SEMA3A: variants seen among roughly 807,000 people sequenced by gnomAD.
SEMA3A encodes the protein semaphorin-3A.
SEMA3A carries 29 observed loss-of-function variants against 97.9 expected under a neutral mutation model. The observed-to-expected ratio is 0.30, with a 90% CI of 0.22 to 0.40. The LOEUF is 0.40. Among genes scored for constraint, SEMA3A ranks in the 10% least tolerant of loss-of-function variants. SEMA3A has a pLI of 1.00. For missense variants in SEMA3A, 763 were observed against 951.3 expected (o/e 0.80, Z 2.60); for synonymous variants, 321 against 323.7 (o/e 0.99, Z 0.09).
chr7:84,099,065 C>CTT lies in SEMA3A; in HGVS notation c.453+11403_453+11404dup, dbSNP rs754026184. Among the ~76,000 whole-genome samples, 574 of 92,526 alleles carry CTT rather than the reference C, an allele frequency of 6.2e-3. 33 individuals are homozygous for CTT. Among genetic ancestry groups the CTT allele is most frequent in the African/African-American group, 9.9e-3 (267 of 27,054 alleles). The allele number at this position is 92,526 out of a possible 152,430, so 60.7% of individuals were successfully genotyped here. A position where few individuals can be genotyped will look rare whatever the true frequency, so the allele number is the denominator to read the frequency against. ...AGAGATTAATCAGGAATTACATTTT[C>CTT]TTTTTTTTTCTTTTTTTTTTTTTGA... On this transcript the variant is annotated intron_variant, in intron 4 of 16. Coordinates refer to ENST00000265362, the MANE Select transcript of SEMA3A (RefSeq NM_006080.3).
rs571128691 is a variant in SEMA3A at position 84,343,483 on chromosome 7, A to C, written c.-169+28341T>G. On this transcript the variant is annotated intron_variant, in intron 2 of 3. Coordinates refer to the SEMA3A transcript ENST00000424555. ...TATAACTGAGCTAGGCAGCTAGAAAACTTAAAGGTAATTTAATTCAGCCAG... is the reference window on the plus strand; with the variant it reads ...TATAACTGAGCTAGGCAGCTAGAAACCTTAAAGGTAATTTAATTCAGCCAG... Among the ~76,000 whole-genome samples the C allele has an allele frequency of 5.9e-5, 9 of 152,320 alleles. No homozygotes were observed. The South Asian group carries it at 1.9e-3, about 32-fold the overall frequency.
chr7:83,967,117 G>T (rs1437927285), intron 15 of SEMA3A, among the ~76,000 whole-genome samples: 1 of 152,084 alleles, frequency 6.6e-6, no homozygotes, highest in African/African-American at 2.4e-5. Context: ...TATTTAAAAT[G>T]GCCTCAGCCA....
intron 13 of SEMA3A, among the ~76,000 whole-genome samples, chr7:83,983,670 T>C (rs1168946527): frequency 6.6e-6 from 1 of 152,130 alleles, no homozygotes; most frequent in Non-Finnish European, 1.5e-5. Flanking sequence ...TACCATAATT[T>C]TGCAGTATTA....
intron 3 of SEMA3A, among the ~76,000 whole-genome samples, chr7:84,114,813 G>A (rs145575329): frequency 4.6e-5 from 7 of 151,874 alleles, no homozygotes; most frequent in African/African-American, 1.2e-4. Context: ...GCTGTAATCC[G>A]ATCATCCATA....
At chr7:84,362,950 A>T (rs1802762357) in intron 2 of SEMA3A, among the ~76,000 whole-genome samples, 1 of 151,970 alleles carries the variant, frequency 6.6e-6, no homozygotes. Flanking sequence ...TATGCTACAG[A>T]TCTAATGGAT....
intron 1 of SEMA3A, among the ~76,000 whole-genome samples, chr7:84,160,499 A>G (rs1423356985): frequency 2.0e-5 from 3 of 152,100 alleles, no homozygotes; most frequent in Admixed American, 6.6e-5. Flanking sequence ...CAGTGAGCCG[A>G]GATCGCACCA....
At chr7:84,332,230 A>C (rs1274812420) in intron 2 of SEMA3A, among the ~76,000 whole-genome samples, 3 of 152,120 alleles carry the variant, frequency 2.0e-5, no homozygotes, top group Non-Finnish European at 4.4e-5. Flanking sequence ...TTACAAATAA[A>C]CCCAAAATTC....
intron 2 of SEMA3A, among the ~76,000 whole-genome samples, chr7:84,133,091 A>T (rs2116037025): frequency 6.6e-6 from 1 of 152,336 alleles, no homozygotes; most frequent in East Asian, 1.9e-4. Flanking sequence ...TCAGAAAAAC[A>T]AATGAATAAC....
At chr7:84,008,721 G>A (rs530919458) in intron 9 of SEMA3A, among the ~76,000 whole-genome samples, 1 of 152,202 alleles carries the variant, frequency 6.6e-6, no homozygotes, top group East Asian at 1.9e-4. Flanking sequence ...TATAGACAGC[G>A]ATTCATAGAC....
intron 3 of SEMA3A, among the ~76,000 whole-genome samples, chr7:84,245,165 T>A (rs1799450978): frequency 6.6e-6 from 1 of 152,144 alleles, no homozygotes; most frequent in Non-Finnish European, 1.5e-5. Context: ...TTCTCCTGGA[T>A]AAATATCCTG....
intron 11 of SEMA3A, among the ~76,000 whole-genome samples, chr7:84,004,283 T>C (rs3801602): frequency 0.24 from 36,916 of 151,904 alleles, 4,648 homozygotes; most frequent in South Asian, 0.31. Flanking sequence ...TAAAATAATA[T>C]ATCATAATAA....
At chr7:83,991,842 G>A (rs1177845252) in intron 12 of SEMA3A, among the ~76,000 whole-genome samples, 1 of 142,786 alleles carries the variant, frequency 7.0e-6, no homozygotes, top group Non-Finnish European at 1.5e-5. Flanking sequence ...CATAAAATGA[G>A]TTAGGGAGGA....
Position 83,957,569 on chromosome 7 carries a change from T to G in SEMA3A, c.*3802A>C, listed in dbSNP as rs985688187. 7 of 152,100 alleles carry G rather than the reference T, an allele frequency of 4.6e-5. No homozygotes were observed. The highest frequency in any genetic ancestry group is 1.7e-4 in the African/African-American group (7 of 41,438). The allele number at this position is 152,100 out of a possible 1,614,324, so 9.4% of individuals were successfully genotyped here. A position where few individuals can be genotyped will look rare whatever the true frequency, so the allele number is the denominator to read the frequency against. On this transcript the variant is annotated 3_prime_UTR_variant, in exon 17 of 17. Transcript: ENST00000265362. ...GGTTACGTTGATTGCGAAACTGTCCTTACTATATGGGCTGTCACATATGCT... is the reference window on the plus strand; with the variant it reads ...GGTTACGTTGATTGCGAAACTGTCCGTACTATATGGGCTGTCACATATGCT...
intron 3 of SEMA3A, among the ~76,000 whole-genome samples, chr7:84,217,235 A>G (rs1351000369): frequency 1.3e-5 from 2 of 152,192 alleles, no homozygotes; most frequent in African/African-American, 4.8e-5. Flanking sequence ...TTTCAAGCAA[A>G]AATTAATTAA....
Position 84,011,240 on chromosome 7 carries a change from G to A in SEMA3A, c.868C>T (p.Arg290Cys), listed in dbSNP as rs761827491. The change falls in exon 8 of 17, where the codon CGT becomes TGT. Residue 290 changes from arginine to cysteine, a missense_variant. By Grantham distance (180) the Arg-to-Cys change is radical. Transcript: ENST00000265362. ...GGACCTGGCACTGAGCAAATCAGAC[G>A]AGCTTTGAGGAATGTTGTCCATTTA... ...VNKWTTFLKA[R>C]LICSVPGPNG... is the part of the protein sequence containing the mutation. 20 of 1,613,854 alleles carry A rather than the reference G, an allele frequency of 1.2e-5. No homozygotes were observed. The highest frequency in any genetic ancestry group is 1.7e-5 in the Non-Finnish European group (20 of 1,179,904).
At chr7:84,441,768 G>T (rs1805279771) in intron 1 of SEMA3A, among the ~76,000 whole-genome samples, 1 of 152,204 alleles carries the variant, frequency 6.6e-6, no homozygotes, top group South Asian at 2.1e-4. Flanking sequence ...ATAAAAGAGA[G>T]AATTTTAAAA....
chr7:84,091,163 GGAAGGAAA>G (rs1286335909), intron 4 of SEMA3A, among the ~76,000 whole-genome samples: 283 of 25,622 alleles, frequency 0.011, 1 homozygote, highest in African/African-American at 0.026. Flanking sequence ...AAGGAAGGAA[GGAAGGAAA>G]GAAAGAAAGA....
chr7:84,124,644 G>A (rs1056995054), intron 3 of SEMA3A, among the ~76,000 whole-genome samples: 4 of 151,906 alleles, frequency 2.6e-5, no homozygotes, highest in African/African-American at 9.7e-5. Flanking sequence ...ATTTCTTATT[G>A]TTTATTTAAA....
intron 3 of SEMA3A, among the ~76,000 whole-genome samples, chr7:84,237,592 T>C (rs541172691): frequency 1.1e-3 from 165 of 152,198 alleles, no homozygotes; most frequent in African/African-American, 3.7e-3. Context: ...ACAAGATAGA[T>C]ACTATTATTG....
Sources: gnomAD v4.1 joint callset for allele counts (sites outside exome capture counted in the v4.1 genomes callset) on GRCh38, gnomAD v4.1.1 for gene constraint, MANE v1.5 for transcripts, NCBI Gene and HGNC (gene_info 2026-07-23, HGNC 2026-07-21) for gene names.